TRAPPC11: variants seen among roughly 807,000 people sequenced by gnomAD.
The protein encoded by TRAPPC11 is foie gras homolog.
In TRAPPC11, 104 loss-of-function variants were observed where a neutral mutation model predicts 151.2. That is an observed-to-expected ratio of 0.69 (90% CI 0.59 to 0.81). TRAPPC11 has a LOEUF of 0.81. Among genes scored for constraint, TRAPPC11 ranks in the 30% least tolerant of loss-of-function variants. The probability of loss-of-function intolerance (pLI) is 0.00; values close to 1 mark genes in which losing one functional copy is unlikely to be tolerated. For synonymous variants in TRAPPC11, 456 were observed against 472.3 expected, an observed-to-expected ratio of 0.97 and a Z score of 0.45; for missense variants, 1,230 against 1,349.6, an observed-to-expected ratio of 0.91 and a Z score of 1.39.
chr4:183,711,954 T>C (rs1737359818), intron 29 of TRAPPC11, among the ~76,000 whole-genome samples: 1 of 139,846 alleles, frequency 7.2e-6, no homozygotes, highest in Non-Finnish European at 1.6e-5. Flanking sequence ...TTACGATACC[T>C]TTTATTCATT....
intron 1 of TRAPPC11, among the ~76,000 whole-genome samples, chr4:183,661,000 C>T (rs377762377): frequency 3.3e-5 from 5 of 152,140 alleles, no homozygotes; most frequent in African/African-American, 9.6e-5. Flanking sequence ...GCGTGAGCCG[C>T]TGTACCCAGC....
intron 2 of TRAPPC11, among the ~76,000 whole-genome samples, chr4:183,665,387 C>G (rs1472559890): frequency 6.6e-6 from 1 of 152,176 alleles, no homozygotes; most frequent in Non-Finnish European, 1.5e-5. Context: ...AGCCACCGTG[C>G]CAGGCCTACA....
chr4:183,662,354 C>A (rs1446755192), intron 1 of TRAPPC11, among the ~76,000 whole-genome samples: 1,434 of 109,434 alleles, frequency 0.013, no homozygotes, highest in South Asian at 0.029. Flanking sequence ...TACTCCGTCT[C>A]AAAAAAAAAA....
chr4:183,670,970 T>G (rs1269989780), intron 5 of TRAPPC11, among the ~76,000 whole-genome samples: 1 of 152,058 alleles, frequency 6.6e-6, no homozygotes, highest in Non-Finnish European at 1.5e-5. Context: ...GACCTCATGA[T>G]CCACCCGTCT....
chr4:183,692,048 C>G (rs1368291735), intron 19 of TRAPPC11, among the ~76,000 whole-genome samples: 3 of 152,170 alleles, frequency 2.0e-5, no homozygotes, highest in Admixed American at 6.5e-5. Flanking sequence ...TTACAGCTCT[C>G]TAGCTTATTA....
At chr4:183,711,895 T>A (rs1481174588) in intron 29 of TRAPPC11, among the ~76,000 whole-genome samples, 1 of 152,240 alleles carries the variant, frequency 6.6e-6, no homozygotes, top group Non-Finnish European at 1.5e-5. Flanking sequence ...CTACTAGCTA[T>A]CCCTCTGGGA....
chr4:183,708,927 G>A (rs1350118582), intron 29 of TRAPPC11, among the ~76,000 whole-genome samples: 1 of 151,790 alleles, frequency 6.6e-6, no homozygotes, highest in Non-Finnish European at 1.5e-5. Flanking sequence ...CCCTGTAACT[G>A]TGTAATATTA....
At chr4:183,665,465 T>C (rs906609457) in intron 2 of TRAPPC11, among the ~76,000 whole-genome samples, 4 of 152,214 alleles carry the variant, frequency 2.6e-5, no homozygotes, top group African/African-American at 9.7e-5. Flanking sequence ...CCCTCTTTTC[T>C]CTTAATGCTC....
intron 5 of TRAPPC11, among the ~76,000 whole-genome samples, chr4:183,670,729 C>T (rs957249988): frequency 1.3e-5 from 2 of 152,164 alleles, no homozygotes; most frequent in African/African-American, 2.4e-5. Context: ...CCTCACCCTC[C>T]TGAATAGCTG....
At chr4:183,660,464 G>A (rs1021722513) in intron 1 of TRAPPC11, among the ~76,000 whole-genome samples, 1 of 152,160 alleles carries the variant, frequency 6.6e-6, no homozygotes, top group African/African-American at 2.4e-5. Flanking sequence ...ACTGTACTGC[G>A]TTAAATTGAA....
At chr4:183,663,405 T>C (rs1734663748) in intron 1 of TRAPPC11, among the ~76,000 whole-genome samples, 1 of 152,100 alleles carries the variant, frequency 6.6e-6, no homozygotes, top group Non-Finnish European at 1.5e-5. Context: ...GGCTAATTTT[T>C]TGGATATTTA....
intron 19 of TRAPPC11, among the ~76,000 whole-genome samples, chr4:183,692,250 G>A (rs895512480): frequency 6.6e-6 from 1 of 152,030 alleles, no homozygotes; most frequent in Non-Finnish European, 1.5e-5. Flanking sequence ...ACTTGAATGG[G>A]AATGGTTAGC....
At chr4:183,707,469 A>G (rs899904745) in intron 28 of TRAPPC11, among the ~76,000 whole-genome samples, 6 of 152,132 alleles carry the variant, frequency 3.9e-5, no homozygotes, top group Admixed American at 3.9e-4. Context: ...AAGTTCATCA[A>G]GTTTTTAAAT....
At chr4:183,661,011 C>T (rs935153251) in intron 1 of TRAPPC11, among the ~76,000 whole-genome samples, 3 of 152,082 alleles carry the variant, frequency 2.0e-5, no homozygotes, top group African/African-American at 7.2e-5. Context: ...TGTACCCAGC[C>T]TGGTCACCCC....
chr4:183,666,158 A>G, intron 2 of TRAPPC11, 99 bp from the exon 3 acceptor site: 1 of 1,047,806 alleles, frequency 9.5e-7, no homozygotes, highest in Non-Finnish European at 1.4e-6. Context: ...GGAGGTGTGT[A>G]TATTGAATGA....
At chr4:183,711,836 A>T (rs1229786705) in intron 29 of TRAPPC11, among the ~76,000 whole-genome samples, 2 of 152,238 alleles carry the variant, frequency 1.3e-5, no homozygotes, top group Non-Finnish European at 2.9e-5. Context: ...CTGCTATTGT[A>T]TATCTGTATA....
intron 1 of TRAPPC11, among the ~76,000 whole-genome samples, chr4:183,660,229 C>A (rs1373368204): frequency 6.6e-6 from 1 of 152,208 alleles, no homozygotes. Flanking sequence ...CTTTCTGATA[C>A]AATTTTCGTG....
chr4:183,689,615 G>T (rs182299471), intron 18 of TRAPPC11, among the ~76,000 whole-genome samples: 1 of 149,878 alleles, frequency 6.7e-6, no homozygotes, highest in East Asian at 2.0e-4. Context: ...GAAATTAGAG[G>T]GTCAACACAA....
chr4:183,706,245 T>C (rs528359493), intron 27 of TRAPPC11, among the ~76,000 whole-genome samples: 3 of 152,318 alleles, frequency 2.0e-5, no homozygotes, highest in Admixed American at 6.5e-5. Context: ...GATCCCTGGC[T>C]GGGCGCGGTG....
Sources: allele counts gnomAD v4.1 joint callset (sites outside exome capture counted in the v4.1 genomes callset), GRCh38; gene constraint gnomAD v4.1.1; transcripts MANE v1.5; gene names NCBI Gene and HGNC (gene_info 2026-07-23, HGNC 2026-07-21).